PPP2R5E: variants seen among roughly 807,000 people sequenced by gnomAD.
PPP2R5E encodes protein phosphatase 2 regulatory subunit B'epsilon, also known as serine/threonine-protein phosphatase 2A 56 kDa regulatory subunit epsilon isoform.
A neutral mutation model predicts 65.3 loss-of-function variants in PPP2R5E; 4 were observed. The observed-to-expected ratio is 0.06, with a 90% CI of 0.03 to 0.14. The LOEUF (loss-of-function observed/expected upper bound fraction) is 0.14, where lower values mean the gene tolerates loss of function less well. Among genes scored for constraint, PPP2R5E ranks in the 10% least tolerant of loss-of-function variants. PPP2R5E has a pLI of 1.00. For synonymous variants in PPP2R5E, 183 were observed against 187.4 expected, an observed-to-expected ratio of 0.98 and a Z score of 0.19; for missense variants, 274 against 556.1, an observed-to-expected ratio of 0.49 and a Z score of 5.10.
chr14:63,522,130 G>T (rs1183343212), intron 2 of PPP2R5E, among the ~76,000 whole-genome samples: 2 of 152,022 alleles, frequency 1.3e-5, no homozygotes, highest in African/African-American at 4.8e-5. Flanking sequence ...TTTTTTGGTG[G>T]AGACGGGGTT....
In PPP2R5E at chr14:63,526,456, C is replaced by A. The variant is rs556603059; in HGVS notation, c.157+13073G>T. Among the ~76,000 whole-genome samples, 90 of 152,258 alleles carry A rather than the reference C, an allele frequency of 5.9e-4. 1 individual carries two copies. In the South Asian group the frequency reaches 0.018, roughly 31 times the overall value. Reference sequence around the variant, plus strand: ...ATTCTCTGATAGAAGTAAGCAATTACAAAAACATTTGAAGATCCTGTCCTG... The same window carrying A: ...ATTCTCTGATAGAAGTAAGCAATTAAAAAAACATTTGAAGATCCTGTCCTG... On this transcript the variant is annotated intron_variant, in intron 2 of 13. Coordinates refer to ENST00000337537, the MANE Select transcript of PPP2R5E (RefSeq NM_006246.5).
intron 2 of PPP2R5E, among the ~76,000 whole-genome samples, chr14:63,499,406 T>A (rs1052172278): frequency 2.0e-5 from 3 of 152,220 alleles, no homozygotes; most frequent in South Asian, 2.1e-4. Flanking sequence ...TCTAAATTAA[T>A]CAATATTTGG....
chr14:63,451,649 CACAT>C (rs976744771), intron 3 of PPP2R5E: 19 of 152,298 alleles, frequency 1.2e-4, no homozygotes, highest in African/African-American at 4.6e-4. Flanking sequence ...CATGTCATTA[CACAT>C]TTGTCTAAAC....
chr14:63,455,152 C>T (rs937124661), intron 2 of PPP2R5E, among the ~76,000 whole-genome samples: 1 of 152,204 alleles, frequency 6.6e-6, no homozygotes, highest in South Asian at 2.1e-4. Context: ...CAGCATACAG[C>T]ACCCCCCTTA....
intron 2 of PPP2R5E, among the ~76,000 whole-genome samples, chr14:63,493,483 C>CGTGT (rs10658950): frequency 0.021 from 2,694 of 126,880 alleles, 97 homozygotes; most frequent in African/African-American, 0.074. Flanking sequence ...ACCGCGCGCG[C>CGTGT]GTGTGTGTGT....
At chr14:63,525,403 AC>A (rs1226927332) in intron 2 of PPP2R5E, among the ~76,000 whole-genome samples, 3 of 152,112 alleles carry the variant, frequency 2.0e-5, no homozygotes, top group African/African-American at 7.2e-5. Flanking sequence ...CCCTTCAAAT[AC>A]CTTTTAAAAT....
At chr14:63,527,021 TAGTC>T (rs1239698469) in intron 2 of PPP2R5E, among the ~76,000 whole-genome samples, 4 of 152,138 alleles carry the variant, frequency 2.6e-5, no homozygotes, top group Admixed American at 6.5e-5. Flanking sequence ...AATACAAAAT[TAGTC>T]AGTTGTGGTG....
rs140406327 is a variant in PPP2R5E, at chr14:63,392,020, T to G, written c.855A>C (p.Ala285=). 22 of 1,599,036 alleles carry G rather than the reference T, an allele frequency of 1.4e-5. No homozygotes were observed. The highest frequency in any genetic ancestry group is 1.9e-4 in the Middle Eastern group (1 of 5,190). The part of the protein sequence containing the change: ...RSLSLFHAQL[A]YCIVQFLEKD... ...TCTCCAGAAACTGTACTATACAATA[T>G]GCCAGCTGAGTAAAAAATAAAATAA... The change falls in exon 9 of 14, where the codon GCA becomes GCC. Residue 285 remains alanine (A), a synonymous_variant. Coordinates refer to ENST00000337537, the MANE Select transcript of PPP2R5E (RefSeq NM_006246.5).
intron 2 of PPP2R5E, among the ~76,000 whole-genome samples, chr14:63,462,116 G>A (rs958529903): frequency 2.7e-5 from 4 of 149,506 alleles, no homozygotes; most frequent in East Asian, 3.9e-4. Flanking sequence ...TGTTGCCCAC[G>A]CTGAAGTGCA....
intron 13 of PPP2R5E, among the ~76,000 whole-genome samples, chr14:63,379,983 T>C (rs1884239835): frequency 1.3e-5 from 2 of 151,748 alleles, no homozygotes; most frequent in South Asian, 2.1e-4. Flanking sequence ...CACAAGCGCA[T>C]GCCACCGTGC....
intron 2 of PPP2R5E, among the ~76,000 whole-genome samples, chr14:63,499,256 T>C (rs2139660690): frequency 6.6e-6 from 1 of 152,172 alleles, no homozygotes; most frequent in Admixed American, 6.5e-5. Flanking sequence ...CAGAGCTGCC[T>C]AAAAGAGAGA....
At chr14:63,515,597 T>C (rs1892639291) in intron 2 of PPP2R5E, among the ~76,000 whole-genome samples, 1 of 152,106 alleles carries the variant, frequency 6.6e-6, no homozygotes, top group Admixed American at 6.5e-5. Context: ...CTTGGCTCAC[T>C]GCAACCTCCG....
intron 2 of PPP2R5E, among the ~76,000 whole-genome samples, chr14:63,475,464 C>T (rs1254382137): frequency 1.3e-5 from 2 of 152,234 alleles, no homozygotes; most frequent in Non-Finnish European, 2.9e-5. Context: ...GACCAATGAA[C>T]ACTTTTAGTG....
chr14:63,374,056 T>C lies in PPP2R5E; in HGVS notation c.*1953A>G, dbSNP rs1253752529. The C allele has an allele frequency of 6.7e-6, 1 of 150,346 alleles. No homozygotes were observed. Among genetic ancestry groups the C allele is most frequent in the Non-Finnish European group, 1.5e-5 (1 of 67,494 alleles). 9.3% of individuals were successfully genotyped at this position (150,346 alleles called of 1,614,324 possible). A position where few individuals can be genotyped will look rare whatever the true frequency, so the allele number is the denominator to read the frequency against. ...TTCCATTAAACCATGTTGCGTCTGG[T>C]GTTGCATATGACTTTTTTTTTTTAC... On this transcript the variant is annotated 3_prime_UTR_variant, in exon 14 of 14. Coordinates refer to ENST00000337537, the MANE Select transcript of PPP2R5E (RefSeq NM_006246.5).
chr14:63,519,825 C>T (rs186342137), intron 2 of PPP2R5E, among the ~76,000 whole-genome samples: 359 of 151,710 alleles, frequency 2.4e-3, no homozygotes, highest in African/African-American at 8.3e-3. Context: ...CCATGTCCGG[C>T]TAATTTTTGT....
At chr14:63,390,295 G>GACACACACACACACAC (rs59239063) in intron 10 of PPP2R5E, among the ~76,000 whole-genome samples, 6 of 140,094 alleles carry the variant, frequency 4.3e-5, no homozygotes, top group African/African-American at 1.6e-4. Flanking sequence ...ACGCATTCTC[G>GACACACACACACACAC]ACACACACAC....
intron 2 of PPP2R5E, among the ~76,000 whole-genome samples, chr14:63,518,524 G>T (rs911760370): frequency 6.6e-6 from 1 of 152,152 alleles, no homozygotes; most frequent in African/African-American, 2.4e-5. Flanking sequence ...AATTACAGGG[G>T]TGAGCCACAG....
intron 11 of PPP2R5E, among the ~76,000 whole-genome samples, chr14:63,388,126 CT>C (rs970014699): frequency 2.2e-5 from 2 of 91,876 alleles, no homozygotes; most frequent in African/African-American, 1.2e-4. Context: ...TTTTTTTTTT[CT>C]CCTTTCTTTT....
chr14:63,413,653 T>C (rs1229976304), intron 5 of PPP2R5E, among the ~76,000 whole-genome samples: 1 of 152,238 alleles, frequency 6.6e-6, no homozygotes, highest in East Asian at 1.9e-4. Flanking sequence ...GACAGCACTA[T>C]ATACATGCAA....
Sources: allele counts gnomAD v4.1 joint callset (sites outside exome capture counted in the v4.1 genomes callset), GRCh38; gene constraint gnomAD v4.1.1; transcripts MANE v1.5; gene names NCBI Gene and HGNC (gene_info 2026-07-23, HGNC 2026-07-21).